SORCS1: variants seen among roughly 807,000 people sequenced by gnomAD.
SORCS1 encodes the protein sortilin related VPS10 domain containing receptor 1, also known as VPS10 domain-containing receptor SorCS1.
Under a neutral mutation model 146.1 loss-of-function variants are expected in SORCS1, and 60 were observed. The ratio of observed to expected loss-of-function variants is 0.41; its 90% CI spans 0.33 to 0.51. SORCS1 has a LOEUF of 0.51. Among genes scored for constraint, SORCS1 ranks in the 20% least tolerant of loss-of-function variants. SORCS1 has a pLI of 0.21. For synonymous variants in SORCS1, 637 were observed against 584.0 expected (o/e 1.09, Z -1.31); for missense variants, 1,352 against 1,487.6 (o/e 0.91, Z 1.50).
chr10:106,940,306 A>C (rs1242158276), intron 2 of SORCS1, among the ~76,000 whole-genome samples: 2 of 152,204 alleles, frequency 1.3e-5, no homozygotes, highest in Non-Finnish European at 2.9e-5. Flanking sequence ...CACAGATAAC[A>C]TATTTTTAAA....
intron 2 of SORCS1, among the ~76,000 whole-genome samples, chr10:106,857,166 G>A (rs772299025): frequency 6.6e-6 from 1 of 152,172 alleles, no homozygotes; most frequent in Non-Finnish European, 1.5e-5. Context: ...GCACAATCAG[G>A]TGGCTTCTCC....
chr10:106,578,729 C>T, intron 25 of SORCS1: 1 of 1,098,398 alleles, frequency 9.1e-7, no homozygotes, highest in Non-Finnish European at 1.1e-6. Flanking sequence ...AAACCCTGCC[C>T]AGCCCTCTGG....
intron 2 of SORCS1, among the ~76,000 whole-genome samples, chr10:106,874,772 G>A (rs1228188651): frequency 2.6e-5 from 4 of 152,118 alleles, no homozygotes; most frequent in Non-Finnish European, 4.4e-5. Context: ...TAGTTCAGAC[G>A]GTGATGACTA....
chr10:106,701,356 G>A (rs1854126408), intron 8 of SORCS1, among the ~76,000 whole-genome samples: 1 of 152,018 alleles, frequency 6.6e-6, no homozygotes, highest in African/African-American at 2.4e-5. Flanking sequence ...TTTTAGAACC[G>A]GCTTTCAGAA....
At chr10:107,177,183 A>AT in the SORCS1 span, among the ~76,000 whole-genome samples, 1 of 151,680 alleles carries the variant, frequency 6.6e-6, no homozygotes, top group East Asian at 1.9e-4. Flanking sequence ...TTTATTTTCC[A>AT]TTTTTTGCCT....
chr10:106,674,190 G>A (rs1031271455), intron 14 of SORCS1, among the ~76,000 whole-genome samples: 10 of 149,648 alleles, frequency 6.7e-5, no homozygotes, highest in Admixed American at 1.3e-4. Flanking sequence ...TTACCCGGGC[G>A]TGGTGGCAGG....
intron 2 of SORCS1, among the ~76,000 whole-genome samples, chr10:106,842,195 T>G (rs1462866285): frequency 6.6e-6 from 1 of 152,204 alleles, no homozygotes; most frequent in Non-Finnish European, 1.5e-5. Context: ...ATATTTTATA[T>G]GCTTACTGGA....
rs558979128 is a variant in SORCS1 at position 107,055,127 on chromosome 10, G to A, written c.559-98547C>T. On this transcript the variant is annotated intron_variant, in intron 1 of 25. Coordinates refer to ENST00000263054, the MANE Select transcript of SORCS1 (RefSeq NM_052918.5). ...TCATGGGACCAGGGAGGTCTTCATG[G>A]AGAGAGAAGGAGGTGTCTGGGAGAA... Among the ~76,000 whole-genome samples, 17 of 152,302 alleles carry A rather than the reference G, an allele frequency of 1.1e-4. 1 individual carries two copies. In the South Asian group the frequency reaches 3.3e-3, roughly 30 times the overall value.
chr10:106,948,697 C>T (rs1199501553), intron 2 of SORCS1, among the ~76,000 whole-genome samples: 3 of 151,810 alleles, frequency 2.0e-5, no homozygotes, highest in Non-Finnish European at 2.9e-5. Context: ...CAGTGCCTCA[C>T]GCCTGTAATC....
At chr10:106,813,128 C>CTTTTTTTTTTT (rs71025557) in intron 3 of SORCS1, among the ~76,000 whole-genome samples, 20 of 98,742 alleles carry the variant, frequency 2.0e-4, no homozygotes, top group Non-Finnish European at 2.9e-4. Context: ...CTTCTCTTTT[C>CTTTTTTTTTTT]TTTTTTTTTT....
intron 1 of SORCS1, among the ~76,000 whole-genome samples, chr10:107,059,098 G>A (rs1450941553): frequency 1.3e-5 from 2 of 152,026 alleles, no homozygotes; most frequent in Non-Finnish European, 1.5e-5. Flanking sequence ...TATGATTAGT[G>A]TTCATATAAA....
At chr10:106,776,831 C>G in intron 3 of SORCS1, 139 bp from the exon 4 acceptor site, 1 of 787,528 alleles carries the variant, frequency 1.3e-6, no homozygotes, top group South Asian at 1.9e-5. Context: ...GACCTTGACT[C>G]TGTCAGGATT....
At chr10:107,158,735 TTTG>T (rs1474100950) in intron 1 of SORCS1, among the ~76,000 whole-genome samples, 1 of 152,214 alleles carries the variant, frequency 6.6e-6, no homozygotes, top group African/African-American at 2.4e-5. Context: ...TCAATAAATA[TTTG>T]TTGAATTAAA....
chr10:106,629,463 CTTGT>C, intron 18 of SORCS1, 75 bp from the exon 19 acceptor site: 3 of 1,487,610 alleles, frequency 2.0e-6, no homozygotes, highest in Non-Finnish European at 1.8e-6. Flanking sequence ...GGGACTACGG[CTTGT>C]CCTAGTCCCT....
intron 1 of SORCS1, among the ~76,000 whole-genome samples, chr10:107,041,599 G>GT (rs1037003480): frequency 2.6e-5 from 4 of 151,518 alleles, no homozygotes; most frequent in Non-Finnish European, 4.4e-5. Flanking sequence ...CAAACTCCCA[G>GT]TTTTTTTTCC....
chr10:106,779,235 T>G (rs1264974702), intron 3 of SORCS1, among the ~76,000 whole-genome samples: 1 of 152,198 alleles, frequency 6.6e-6, no homozygotes, highest in Non-Finnish European at 1.5e-5. Context: ...AATTTCCCGG[T>G]GAGCTTTATA....
intron 1 of SORCS1, among the ~76,000 whole-genome samples, chr10:107,153,168 TTCTC>T (rs1184218458): frequency 2.6e-5 from 4 of 151,998 alleles, no homozygotes; most frequent in South Asian, 2.1e-4. Flanking sequence ...CTCTGTCTCC[TTCTC>T]TCTGTTTTTT....
intron 1 of SORCS1, among the ~76,000 whole-genome samples, chr10:106,991,184 C>T (rs185840796): frequency 5.8e-4 from 88 of 152,280 alleles, no homozygotes; most frequent in Non-Finnish European, 9.8e-4. Context: ...GGAAGGCCCT[C>T]GGGATACAGG....
chr10:106,711,059 T>C (rs1428624969), intron 6 of SORCS1, among the ~76,000 whole-genome samples: 1 of 152,216 alleles, frequency 6.6e-6, no homozygotes, highest in Admixed American at 6.5e-5. Context: ...TGAGCCGTGC[T>C]CCCATTAGAA....
Sources: allele counts gnomAD v4.1 joint callset (sites outside exome capture counted in the v4.1 genomes callset), GRCh38; gene constraint gnomAD v4.1.1; transcripts MANE v1.5; gene names NCBI Gene and HGNC (gene_info 2026-07-23, HGNC 2026-07-21).